GLRA3: variants seen among roughly 807,000 people sequenced by gnomAD.
GLRA3 encodes glycine receptor subunit alpha-3.
A neutral mutation model predicts 60.4 loss-of-function variants in GLRA3; 44 were observed. The observed-to-expected ratio is 0.73, with a 90% confidence interval of 0.57 to 0.94. The LOEUF is 0.94. GLRA3 is among the 40% of genes least tolerant of loss of function. The pLI is 0.00. For missense variants in GLRA3, 508 were observed against 564.6 expected (o/e 0.90, Z 1.02); for synonymous variants, 223 against 192.9 (o/e 1.16, Z -1.29).
chr4:174,738,567 T>A (rs1736889259), intron 3 of GLRA3, among the ~76,000 whole-genome samples: 1 of 152,246 alleles, frequency 6.6e-6, no homozygotes, highest in Non-Finnish European at 1.5e-5. Context: ...TGAATGTAAA[T>A]CCTAGTGTAG....
chr4:174,687,511 G>A (rs561007699), intron 5 of GLRA3, among the ~76,000 whole-genome samples: 32 of 152,228 alleles, frequency 2.1e-4, no homozygotes, highest in African/African-American at 7.5e-4. Flanking sequence ...AAAAATGGGT[G>A]GAAACTGGTT....
intron 6 of GLRA3, among the ~76,000 whole-genome samples, chr4:174,678,063 T>G (rs999661791): frequency 6.6e-6 from 1 of 152,202 alleles, no homozygotes; most frequent in African/African-American, 2.4e-5. Context: ...GAACACGAAT[T>G]ATTCCTTGAA....
At chr4:174,752,858 T>C (rs1165631586) in intron 3 of GLRA3, among the ~76,000 whole-genome samples, 1 of 152,124 alleles carries the variant, frequency 6.6e-6, no homozygotes, top group African/African-American at 2.4e-5. Context: ...TTATGCTTTA[T>C]CTAGCCTCTG....
At chr4:174,661,268 T>C (rs13143821) in intron 7 of GLRA3, among the ~76,000 whole-genome samples, 45,764 of 151,974 alleles carry the variant, frequency 0.3, 7,998 homozygotes, top group Admixed American at 0.47. Context: ...TGAGCTTACA[T>C]TACATCTCTA....
chr4:174,746,356 G>A (rs7654438), intron 3 of GLRA3, among the ~76,000 whole-genome samples: 90,255 of 151,918 alleles, frequency 0.59, 27,116 homozygotes, highest in Middle Eastern at 0.72. Context: ...CATGGAAAGA[G>A]CTGCAGGTCA....
chr4:174,700,397 G>A (rs993261106), intron 5 of GLRA3, among the ~76,000 whole-genome samples: 5 of 151,968 alleles, frequency 3.3e-5, no homozygotes, highest in Admixed American at 1.3e-4. Flanking sequence ...TCATTATTAC[G>A]ATATCTGTAA....
At chr4:174,739,531 T>C (rs2111165342) in intron 3 of GLRA3, among the ~76,000 whole-genome samples, 1 of 152,264 alleles carries the variant, frequency 6.6e-6, no homozygotes, top group East Asian at 1.9e-4. Context: ...CTCAATTAGA[T>C]TAAAAAGTTT....
intron 3 of GLRA3, among the ~76,000 whole-genome samples, chr4:174,735,962 C>A (rs1309062734): frequency 6.6e-6 from 1 of 152,170 alleles, no homozygotes; most frequent in African/African-American, 2.4e-5. Flanking sequence ...CAGTGAAAAT[C>A]TCTGGGGAAA....
intron 3 of GLRA3, among the ~76,000 whole-genome samples, chr4:174,765,634 C>T (rs1738110057): frequency 6.6e-6 from 1 of 151,834 alleles, no homozygotes; most frequent in African/African-American, 2.4e-5. Flanking sequence ...TAAATCAGGG[C>T]CAATTTTTCC....
chr4:174,673,575 G>A (rs1184036422), intron 7 of GLRA3, among the ~76,000 whole-genome samples: 1 of 152,086 alleles, frequency 6.6e-6, no homozygotes, highest in Non-Finnish European at 1.5e-5. Context: ...AGCCCCGGGA[G>A]GGGAACAGAG....
intron 2 of GLRA3, among the ~76,000 whole-genome samples, chr4:174,771,738 G>A (rs1462142786): frequency 6.6e-6 from 1 of 152,104 alleles, no homozygotes; most frequent in African/African-American, 2.4e-5. Flanking sequence ...TCTTATTTTA[G>A]TTTAGAAAGG....
intron 1 of GLRA3, among the ~76,000 whole-genome samples, chr4:174,811,845 C>T (rs1740287902): frequency 6.6e-6 from 1 of 151,988 alleles, no homozygotes; most frequent in Admixed American, 6.6e-5. Context: ...GTTTAACTTA[C>T]CAAAAGGTCA....
intron 1 of GLRA3, among the ~76,000 whole-genome samples, chr4:174,815,176 A>T (rs1261179072): frequency 1.3e-5 from 2 of 152,234 alleles, no homozygotes; most frequent in African/African-American, 2.4e-5. Context: ...CAAAGCTCCA[A>T]GATGATCTCC....
intron 7 of GLRA3, among the ~76,000 whole-genome samples, chr4:174,669,365 C>T (rs931183334): frequency 6.6e-6 from 1 of 151,926 alleles, no homozygotes; most frequent in Non-Finnish European, 1.5e-5. Flanking sequence ...AAGGAGGTAA[C>T]TCAAGGACTA....
At chr4:174,745,627 T>C (rs12498829) in intron 3 of GLRA3, among the ~76,000 whole-genome samples, 13,083 of 151,882 alleles carry the variant, frequency 0.086, 917 homozygotes, top group East Asian at 0.39. Flanking sequence ...AAAATAAAAA[T>C]AGACAAATGA....
intron 5 of GLRA3, among the ~76,000 whole-genome samples, chr4:174,686,109 C>CA (rs1330606582): frequency 1.3e-5 from 2 of 152,028 alleles, no homozygotes; most frequent in Admixed American, 6.6e-5. Flanking sequence ...CACTATGGTT[C>CA]AAAAAATACT....
chr4:174,724,623 T>C (rs1022709181), intron 4 of GLRA3, among the ~76,000 whole-genome samples: 1 of 152,216 alleles, frequency 6.6e-6, no homozygotes, highest in African/African-American at 2.4e-5. Context: ...GTGTCCTTTT[T>C]TCCTTCTTGA....
intron 7 of GLRA3, among the ~76,000 whole-genome samples, chr4:174,668,900 T>C (rs114824533): frequency 2.2e-4 from 33 of 152,266 alleles, no homozygotes; most frequent in African/African-American, 7.9e-4. Context: ...ATAGGGTAAT[T>C]GGTTCTTCCT....
chr4:174,692,145 C>A (rs1458430421), intron 5 of GLRA3, among the ~76,000 whole-genome samples: 1 of 151,778 alleles, frequency 6.6e-6, no homozygotes, highest in Admixed American at 6.6e-5. Context: ...GTGAGGAGCC[C>A]CTCCGCCCAG....
Sources: gnomAD v4.1 joint callset for allele counts (sites outside exome capture counted in the v4.1 genomes callset) on GRCh38, gnomAD v4.1.1 for gene constraint, MANE v1.5 for transcripts, NCBI Gene and HGNC (gene_info 2026-07-23, HGNC 2026-07-21) for gene names.